Variants in PDZD2 observed in about 807,000 individuals in gnomAD.
PDZD2 encodes PDZ domain containing 2.
Under a neutral mutation model 220.7 loss-of-function variants are expected in PDZD2, and 90 were observed. The observed-to-expected ratio is 0.41, with a 90% CI of 0.34 to 0.49. The LOEUF is 0.49. Among genes scored for constraint, PDZD2 ranks in the 20% least tolerant of loss-of-function variants. PDZD2 has a pLI of 0.28. For missense variants in PDZD2, 3,174 were observed against 3,608.5 expected (o/e 0.88, Z 3.08); for synonymous variants, 1,375 against 1,450.5 (o/e 0.95, Z 1.18).
chr5:31,809,806 C>T (rs1357129831), intron 2 of PDZD2, among the ~76,000 whole-genome samples: 1 of 152,172 alleles, frequency 6.6e-6, no homozygotes, highest in East Asian at 1.9e-4. Flanking sequence ...AAAAGAGCGA[C>T]TTTCCATCAT....
At position 32,000,345 on chromosome 5, in the gene PDZD2, C is replaced by T. The variant is rs1263636678; in HGVS notation, c.1254+74C>T. 1 of 1,214,074 alleles carries T rather than the reference C, an allele frequency of 8.2e-7. No homozygotes were observed. Among genetic ancestry groups the T allele is most frequent in the Non-Finnish European group, 1.2e-6 (1 of 848,074 alleles). The allele number at this position is 1,214,074 out of a possible 1,614,324, so 75.2% of individuals were successfully genotyped here. A position where few individuals can be genotyped will look rare whatever the true frequency, so the allele number is the denominator to read the frequency against. Reference sequence around the variant, plus strand: ...TGGGGTTGAGCCCCACCTCCCATGCCACACACACACACAAAGACATGTGTG... The same window carrying T: ...TGGGGTTGAGCCCCACCTCCCATGCTACACACACACACAAAGACATGTGTG... On this transcript the variant is annotated intron_variant, in intron 5 of 24. Transcript: ENST00000438447. The surrounding 1 kb of genome is among the most constrained non-coding windows in gnomAD (Gnocchi z 4.5).
chr5:31,983,116 T>A (rs779207170), intron 2 of PDZD2, 39 bp from the exon 3 acceptor site: 15 of 1,583,608 alleles, frequency 9.5e-6, no homozygotes, highest in Non-Finnish European at 1.3e-5. Context: ...CTAGGAAGGG[T>A]GTGTGGGGTT....
Position 32,087,304 on chromosome 5 carries a change from C to T in PDZD2, c.3856C>T (p.His1286Tyr), listed in dbSNP as rs140809656. The T allele has an allele frequency of 2.5e-6, 4 of 1,613,962 alleles. No individual in the cohort carries two copies. The African/African-American group carries it at 5.3e-5, about 22-fold the overall frequency. Residue 1286 changes from histidine (H) to tyrosine (Y), a missense_variant, in exon 20 of 25, where the codon CAT (histidine) becomes TAT (tyrosine). This residue lies in a region of PDZD2 where 1,861 missense variants were observed against 2,001.0 expected (regional missense o/e 0.93). Coordinates refer to ENST00000438447, the MANE Select transcript of PDZD2 (RefSeq NM_178140.4). This position sits in a 1 kb window ranked among gnomAD's most constrained non-coding sequence, Gnocchi z 4.0. ...GGCCAGGTCTCCAGTCAGGCTCCCC[C>T]ATGAGGGCAGCCCCTCCCCGGGGGA... ...CKARSPVRLP[H>Y]EGSPSPGEKA...
chr5:31,704,888 C>T (rs188768949), intron 1 of PDZD2, among the ~76,000 whole-genome samples: 6 of 152,214 alleles, frequency 3.9e-5, no homozygotes, highest in African/African-American at 9.6e-5. Context: ...TGGCTGGGTG[C>T]GGTGGCTCAC....
At chr5:32,006,110 G>A (rs1468750256) in intron 5 of PDZD2, among the ~76,000 whole-genome samples, 2 of 147,794 alleles carry the variant, frequency 1.4e-5, no homozygotes, top group African/African-American at 5.1e-5. Context: ...TCGCGCCACT[G>A]CACTCCAGCC....
At chr5:31,912,409 T>A (rs1346022255) in intron 2 of PDZD2, among the ~76,000 whole-genome samples, 1 of 152,168 alleles carries the variant, frequency 6.6e-6, no homozygotes, top group Admixed American at 6.5e-5. Flanking sequence ...GAGGCTGAGA[T>A]GGGCCTCCCA....
chr5:31,781,467 A>G (rs1288179138), intron 1 of PDZD2, among the ~76,000 whole-genome samples: 2 of 152,196 alleles, frequency 1.3e-5, no homozygotes, highest in African/African-American at 2.4e-5. Flanking sequence ...AGGGGGTAAA[A>G]AGGGAGGAAG....
At chr5:31,991,092 A>G (rs1751173578) in intron 3 of PDZD2, among the ~76,000 whole-genome samples, 1 of 152,204 alleles carries the variant, frequency 6.6e-6, no homozygotes, top group African/African-American at 2.4e-5. Context: ...AGGTGTGGGC[A>G]GGGCTGGTTA....
intron 2 of PDZD2, among the ~76,000 whole-genome samples, chr5:31,889,939 T>C (rs1740857084): frequency 6.6e-6 from 1 of 151,946 alleles, no homozygotes; most frequent in South Asian, 2.1e-4. Flanking sequence ...GGAGAATTGC[T>C]TGAACCCGGG....
At chr5:31,941,138 T>C (rs1404256472) in intron 2 of PDZD2, among the ~76,000 whole-genome samples, 1 of 152,240 alleles carries the variant, frequency 6.6e-6, no homozygotes, top group South Asian at 2.1e-4. Flanking sequence ...AATAGCAACC[T>C]TTTGCTCTTG....
chr5:31,747,044 G>A (rs561106883), intron 1 of PDZD2, among the ~76,000 whole-genome samples: 136 of 152,200 alleles, frequency 8.9e-4, no homozygotes, highest in African/African-American at 3.0e-3. Flanking sequence ...GTGTGGTGGC[G>A]GATGCCTGTA....
At chr5:31,951,148 T>C (rs1402462183) in intron 2 of PDZD2, among the ~76,000 whole-genome samples, 1 of 152,116 alleles carries the variant, frequency 6.6e-6, no homozygotes, top group East Asian at 1.9e-4. Flanking sequence ...CTCACTGCAG[T>C]CTCAACCTCC....
intron 2 of PDZD2, among the ~76,000 whole-genome samples, chr5:31,863,979 G>A (rs932865564): frequency 1.3e-5 from 2 of 151,892 alleles, no homozygotes; most frequent in East Asian, 3.9e-4. Context: ...TTCTTCCCCC[G>A]CCCCCAATTC....
chr5:31,778,241 T>A (rs973872206), intron 1 of PDZD2, among the ~76,000 whole-genome samples: 1 of 152,134 alleles, frequency 6.6e-6, no homozygotes, highest in African/African-American at 2.4e-5. Context: ...CTCTGTAAAA[T>A]GGACCATTCA....
Position 31,983,472 on chromosome 5 carries a change from A to G in PDZD2, c.794A>G (p.Gln265Arg), listed in dbSNP as rs1347570173. The change falls in exon 3 of 25, where the codon CAG (glutamine) becomes CGG (arginine). Residue 265 changes from glutamine to arginine, a missense_variant. Physicochemically the swap from Gln to Arg is conservative, Grantham distance 43. Transcript: ENST00000438447. Reference protein sequence around the residue: ...DPELGNGHVFQLENGPDSLKE... With the variant: ...DPELGNGHVFRLENGPDSLKE... ...GAACTTGGAAACGGCCATGTCTTTCAGCTAGAAAATGGCCCAGATTCTCTC... is the reference window on the plus strand; with the variant it reads ...GAACTTGGAAACGGCCATGTCTTTCGGCTAGAAAATGGCCCAGATTCTCTC... 6.2e-7 allele frequency: 1 copy of G among 1,614,076 alleles called. No homozygotes were observed. The highest frequency in any genetic ancestry group is 8.5e-7 in the Non-Finnish European group (1 of 1,180,022).
At chr5:31,811,410 C>T (rs1275396793) in intron 2 of PDZD2, among the ~76,000 whole-genome samples, 1 of 152,228 alleles carries the variant, frequency 6.6e-6, no homozygotes, top group Non-Finnish European at 1.5e-5. Context: ...ATAGCTGACT[C>T]ATCCCTCAGG....
intron 7 of PDZD2, among the ~76,000 whole-genome samples, chr5:32,038,635 T>C (rs539754740): frequency 6.6e-6 from 1 of 152,318 alleles, no homozygotes; most frequent in South Asian, 2.1e-4. Context: ...TAAAAAGATA[T>C]TTAAAAGGAA....
chr5:32,069,767 G>A, intron 15 of PDZD2, 117 bp downstream of exon 15: 1 of 649,244 alleles, frequency 1.5e-6, no homozygotes. Flanking sequence ...TTTGGCAAAA[G>A]TAGCTGTCAA....
intron 2 of PDZD2, among the ~76,000 whole-genome samples, chr5:31,889,965 G>A (rs1347353781): frequency 1.3e-5 from 2 of 152,006 alleles, no homozygotes; most frequent in African/African-American, 2.4e-5. Flanking sequence ...AGAGGTTGCA[G>A]TGAGCCCAGA....
Sources: allele counts gnomAD v4.1 joint callset (sites outside exome capture counted in the v4.1 genomes callset), GRCh38; gene constraint gnomAD v4.1.1; regional missense constraint gnomAD v4.1.1; non-coding constraint Gnocchi (gnomAD v3.1); transcripts MANE v1.5; gene names NCBI Gene and HGNC (gene_info 2026-07-23, HGNC 2026-07-21).